The following ADGRL3 variants were observed in gnomAD, a reference collection of about 807,000 sequenced individuals.
ADGRL3 encodes the protein adhesion G protein-coupled receptor L3, also known as calcium-independent alpha-latrotoxin receptor 3.
In ADGRL3, 62 loss-of-function variants were observed where a neutral mutation model predicts 153.5. That is an observed-to-expected ratio of 0.40 (90% CI 0.33 to 0.50). ADGRL3 has a LOEUF of 0.50. Ranked by LOEUF, ADGRL3 falls within the 20% of genes least tolerant of loss-of-function variation. The pLI, the probability that ADGRL3 is intolerant of heterozygous loss-of-function variation, is 0.47. For synonymous variants in ADGRL3, 710 were observed against 672.5 expected, an observed-to-expected ratio of 1.06 and a Z score of -0.86; for missense variants, 1,641 against 1,859.4, an observed-to-expected ratio of 0.88 and a Z score of 2.16.
intron 2 of ADGRL3, among the ~76,000 whole-genome samples, chr4:61,405,654 G>A (rs931782833): frequency 6.6e-6 from 1 of 151,284 alleles, no homozygotes; most frequent in Non-Finnish European, 1.5e-5. Context: ...ATGAGATACA[G>A]TATTTTTTAA....
chr4:61,946,343 T>G (rs949524335), intron 15 of ADGRL3, among the ~76,000 whole-genome samples: 1 of 152,208 alleles, frequency 6.6e-6, no homozygotes, highest in Non-Finnish European at 1.5e-5. Context: ...CATGTGTCTA[T>G]TGGCCTTTCC....
chr4:61,799,718 A>G (rs2097466272), intron 8 of ADGRL3, among the ~76,000 whole-genome samples: 2 of 152,074 alleles, frequency 1.3e-5, no homozygotes, highest in South Asian at 2.1e-4. Context: ...GAAGTACCCT[A>G]TGTCTCAGAA....
chr4:61,705,385 A>C (rs973033797), intron 6 of ADGRL3, among the ~76,000 whole-genome samples: 3 of 150,576 alleles, frequency 2.0e-5, no homozygotes, highest in Non-Finnish European at 4.4e-5. Flanking sequence ...GTATATATAC[A>C]AGTGATACAT....
At chr4:62,047,562 T>G (rs558382427) in intron 25 of ADGRL3, among the ~76,000 whole-genome samples, 1 of 152,250 alleles carries the variant, frequency 6.6e-6, no homozygotes, top group African/African-American at 2.4e-5. Flanking sequence ...TAAATTTGAT[T>G]ACTATTGGGA....
intron 2 of ADGRL3, among the ~76,000 whole-genome samples, chr4:61,459,486 C>G (rs1329425758): frequency 1.3e-5 from 2 of 151,838 alleles, no homozygotes; most frequent in Admixed American, 6.6e-5. Flanking sequence ...GATTTCATAT[C>G]TTGAGTATTA....
At chr4:61,514,366 A>T (rs796717579) in intron 3 of ADGRL3, among the ~76,000 whole-genome samples, 85 of 152,332 alleles carry the variant, frequency 5.6e-4, no homozygotes, top group African/African-American at 1.9e-3. Flanking sequence ...TTCTAATGGA[A>T]TACCAGACAC....
intron 9 of ADGRL3, among the ~76,000 whole-genome samples, chr4:61,836,618 C>T (rs1386096375): frequency 6.6e-6 from 1 of 152,040 alleles, no homozygotes; most frequent in East Asian, 1.9e-4. Flanking sequence ...ACCCAAATGT[C>T]TTCCTTATGC....
intron 2 of ADGRL3, among the ~76,000 whole-genome samples, chr4:61,456,425 ATATCTATATATATAGATATATCTATATC>A (rs1560664723): frequency 1.7e-4 from 10 of 59,318 alleles, no homozygotes; most frequent in African/African-American, 3.6e-4. Context: ...AGATATATCT[ATATCTATATATATAGATATATCTATATC>A]TATATATATA....
intron 1 of ADGRL3, among the ~76,000 whole-genome samples, chr4:61,230,536 A>C (rs1039896889): frequency 2.0e-5 from 3 of 151,990 alleles, no homozygotes; most frequent in Non-Finnish European, 2.9e-5. Flanking sequence ...TGTTATTTTT[A>C]ATTTTTATTC....
chr4:61,736,133 A>G (rs951033059), intron 8 of ADGRL3, among the ~76,000 whole-genome samples: 1 of 152,084 alleles, frequency 6.6e-6, no homozygotes, highest in African/African-American at 2.4e-5. Flanking sequence ...ATATGTTTAT[A>G]TATTCATATA....
At chr4:61,653,081 G>A (rs1346444715) in intron 5 of ADGRL3, among the ~76,000 whole-genome samples, 1 of 150,776 alleles carries the variant, frequency 6.6e-6, no homozygotes, top group Non-Finnish European at 1.5e-5. Context: ...ATAAGGGCAG[G>A]GTTCTAATAC....
intron 9 of ADGRL3, among the ~76,000 whole-genome samples, chr4:61,818,090 C>G (rs977310976): frequency 6.6e-6 from 1 of 152,162 alleles, no homozygotes; most frequent in Admixed American, 6.5e-5. Context: ...AAAAAGTCCA[C>G]AGTCCAAACT....
chr4:61,725,594 C>CA (rs778455872), intron 6 of ADGRL3, among the ~76,000 whole-genome samples: 893 of 64,846 alleles, frequency 0.014, 5 homozygotes, highest in Admixed American at 0.023. Context: ...GACTTCATCT[C>CA]AAAAAAAAAA....
chr4:61,973,638 C>T (rs2099037398), intron 17 of ADGRL3, among the ~76,000 whole-genome samples: 2 of 152,028 alleles, frequency 1.3e-5, no homozygotes, highest in Admixed American at 6.6e-5. Context: ...TTTTCTCTCA[C>T]ATCTCCTTAT....
intron 4 of ADGRL3, among the ~76,000 whole-genome samples, chr4:61,534,168 A>T (rs556847771): frequency 6.6e-6 from 1 of 152,268 alleles, no homozygotes; most frequent in South Asian, 2.1e-4. Flanking sequence ...GCATATGGCT[A>T]GCCAGCTTTC....
intron 4 of ADGRL3, among the ~76,000 whole-genome samples, chr4:61,536,510 T>G (rs1036343833): frequency 6.6e-6 from 1 of 152,120 alleles, no homozygotes; most frequent in African/African-American, 2.4e-5. Flanking sequence ...TATGGATGTC[T>G]ATCTCTTTTG....
chr4:61,449,149 T>G (rs1349231636), intron 2 of ADGRL3, among the ~76,000 whole-genome samples: 1 of 152,056 alleles, frequency 6.6e-6, no homozygotes. Flanking sequence ...AATTAATTTA[T>G]TTTTTGAGAC....
At chr4:61,574,347 TC>T (rs988729101) in intron 4 of ADGRL3, among the ~76,000 whole-genome samples, 5 of 152,008 alleles carry the variant, frequency 3.3e-5, no homozygotes, top group African/African-American at 1.2e-4. Flanking sequence ...TAACTATCAT[TC>T]ATAAAAATTT....
chr4:61,375,351 A>T (rs956240607), intron 1 of ADGRL3, among the ~76,000 whole-genome samples: 3 of 152,202 alleles, frequency 2.0e-5, no homozygotes, highest in Admixed American at 2.0e-4. Context: ...AAATGTTTAA[A>T]GAAAAGGATT....
Sources: gnomAD v4.1 joint callset for allele counts (sites outside exome capture counted in the v4.1 genomes callset) on GRCh38, gnomAD v4.1.1 for gene constraint, MANE v1.5 for transcripts, NCBI Gene and HGNC (gene_info 2026-07-23, HGNC 2026-07-21) for gene names.